The following SPHKAP variants were observed in gnomAD, a reference collection of about 807,000 sequenced individuals.
SPHKAP encodes the protein A-kinase anchor protein SPHKAP.
Under a neutral mutation model 137.5 loss-of-function variants are expected in SPHKAP, and 67 were observed. The observed-to-expected ratio is 0.49, with a 90% CI of 0.40 to 0.60. The LOEUF (loss-of-function observed/expected upper bound fraction) is 0.60, where lower values mean the gene tolerates loss of function less well. Among genes scored for constraint, SPHKAP ranks in the 20% least tolerant of loss-of-function variants. The probability of loss-of-function intolerance (pLI) is 0.00; values close to 1 mark genes in which losing one functional copy is unlikely to be tolerated. For synonymous variants in SPHKAP, 813 were observed against 785.3 expected, an observed-to-expected ratio of 1.04 and a Z score of -0.59; for missense variants, 2,097 against 2,069.3, an observed-to-expected ratio of 1.01 and a Z score of -0.26.
At chr2:228,015,246 G>A (rs1190113241) in intron 7 of SPHKAP, among the ~76,000 whole-genome samples, 2 of 151,906 alleles carry the variant, frequency 1.3e-5, no homozygotes, top group Non-Finnish European at 2.9e-5. Context: ...CAAAGGACAT[G>A]AACTCATCAT....
chr2:227,983,085 A>T (rs1469684425), intron 11 of SPHKAP, among the ~76,000 whole-genome samples: 1 of 151,772 alleles, frequency 6.6e-6, no homozygotes, highest in East Asian at 1.9e-4. Context: ...TATTTCTTCA[A>T]TTTTTTTTCT....
intron 7 of SPHKAP, among the ~76,000 whole-genome samples, chr2:228,000,909 C>A (rs978857472): frequency 7.9e-5 from 12 of 152,076 alleles, no homozygotes; most frequent in African/African-American, 2.9e-4. Context: ...TACCAAGGAA[C>A]AGGATTGCTG....
At chr2:228,148,439 C>T (rs1338516063) in intron 1 of SPHKAP, among the ~76,000 whole-genome samples, 1 of 152,136 alleles carries the variant, frequency 6.6e-6, no homozygotes, top group Admixed American at 6.5e-5. Flanking sequence ...GGGAATTGGC[C>T]ACAGAATGGG....
intron 2 of SPHKAP, among the ~76,000 whole-genome samples, chr2:228,119,342 G>C (rs1366105113): frequency 1.3e-5 from 2 of 152,082 alleles, no homozygotes; most frequent in Non-Finnish European, 2.9e-5. Context: ...ATGTCTTGAA[G>C]CATTCTAAGA....
intron 2 of SPHKAP, among the ~76,000 whole-genome samples, chr2:228,118,240 G>GTTTTTTTTTTTTTTTTTT (rs71299665): frequency 8.1e-6 from 1 of 124,146 alleles, no homozygotes. Context: ...GAGATACACA[G>GTTTTTTTTTTTTTTTTTT]TTTTTTTTTT....
At chr2:228,063,339 C>T (rs1352081071) in intron 3 of SPHKAP, among the ~76,000 whole-genome samples, 1 of 152,082 alleles carries the variant, frequency 6.6e-6, no homozygotes, top group African/African-American at 2.4e-5. Context: ...TATAACACTT[C>T]TGATTATATA....
intron 1 of SPHKAP, among the ~76,000 whole-genome samples, chr2:228,175,191 T>G (rs1344965730): frequency 6.6e-6 from 1 of 150,920 alleles, no homozygotes; most frequent in Admixed American, 6.6e-5. Flanking sequence ...TTAATAAGCA[T>G]GAAGTCACAG....
chr2:228,035,436 T>C (rs1345334904), intron 3 of SPHKAP, among the ~76,000 whole-genome samples: 6 of 152,048 alleles, frequency 3.9e-5, no homozygotes, highest in Middle Eastern at 3.4e-3. Context: ...GAATCAATAT[T>C]GTGAAAATGG....
intron 1 of SPHKAP, among the ~76,000 whole-genome samples, chr2:228,180,157 G>A (rs1700858541): frequency 6.6e-6 from 1 of 152,158 alleles, no homozygotes; most frequent in Admixed American, 6.5e-5. Context: ...GGGATCGGGA[G>A]GGTGGGGATT....
chr2:228,062,088 GA>G (rs1696659813), intron 3 of SPHKAP, among the ~76,000 whole-genome samples: 1 of 151,144 alleles, frequency 6.6e-6, no homozygotes, highest in African/African-American at 2.4e-5. Flanking sequence ...TTTGGCTCAA[GA>G]AAACCCAAAA....
chr2:227,999,273 T>A (rs951711323), intron 7 of SPHKAP, among the ~76,000 whole-genome samples: 1 of 152,170 alleles, frequency 6.6e-6, no homozygotes, highest in African/African-American at 2.4e-5. Context: ...TGAAAGAAGG[T>A]CCTTGCTTGG....
chr2:228,000,693 G>A (rs141909199), intron 7 of SPHKAP, among the ~76,000 whole-genome samples: 1 of 151,842 alleles, frequency 6.6e-6, no homozygotes, highest in South Asian at 2.1e-4. Context: ...TGCACTTAAG[G>A]TTCCTCTGTA....
At chr2:228,037,398 C>T (rs550645458) in intron 3 of SPHKAP, among the ~76,000 whole-genome samples, 1 of 152,286 alleles carries the variant, frequency 6.6e-6, no homozygotes, top group South Asian at 2.1e-4. Flanking sequence ...TTTCCTCTCA[C>T]TGCCTACATA....
chr2:228,154,510 C>CTATA (rs1255951798), intron 1 of SPHKAP, among the ~76,000 whole-genome samples: 991 of 37,368 alleles, frequency 0.027, 20 homozygotes, highest in South Asian at 0.046. Flanking sequence ...CTCTCTCTCT[C>CTATA]TCTATATATA....
At chr2:228,025,358 T>C (rs1190364149) in intron 5 of SPHKAP, 36 bp downstream of exon 5, 1 of 1,611,428 alleles carries the variant, frequency 6.2e-7, no homozygotes, top group Non-Finnish European at 8.5e-7. Flanking sequence ...TAACTATAGA[T>C]GTAAGTAAAT....
chr2:227,983,222 T>C (rs1693069882), intron 11 of SPHKAP, among the ~76,000 whole-genome samples: 1 of 152,244 alleles, frequency 6.6e-6, no homozygotes, highest in Admixed American at 6.5e-5. Flanking sequence ...CTTCAGTTAC[T>C]GAGAAGTTGT....
At chr2:228,026,632 T>C (rs1474997115) in intron 4 of SPHKAP, among the ~76,000 whole-genome samples, 2 of 152,214 alleles carry the variant, frequency 1.3e-5, no homozygotes, top group Admixed American at 6.5e-5. Context: ...TGCTCTTTGA[T>C]GGACTCTGCA....
chr2:228,092,495 T>C (rs1382489416), intron 3 of SPHKAP, among the ~76,000 whole-genome samples: 16 of 73,514 alleles, frequency 2.2e-4, no homozygotes, highest in East Asian at 1.4e-3. Flanking sequence ...ATATGTGCCA[T>C]ATATATGTAT....
At chr2:228,151,082 G>T (rs55919834) in intron 1 of SPHKAP, among the ~76,000 whole-genome samples, 1 of 128,822 alleles carries the variant, frequency 7.8e-6, no homozygotes, top group African/African-American at 2.8e-5. Flanking sequence ...ATCCCTCCCC[G>T]CTCCCCCCAC....
Sources: gnomAD v4.1 joint callset for allele counts (sites outside exome capture counted in the v4.1 genomes callset) on GRCh38, gnomAD v4.1.1 for gene constraint, MANE v1.5 for transcripts, NCBI Gene and HGNC (gene_info 2026-07-23, HGNC 2026-07-21) for gene names.